The following ASB18 variants were observed in gnomAD, a reference collection of about 807,000 sequenced individuals.
ASB18 encodes ankyrin repeat and SOCS box protein 18.
ASB18 carries 33 observed loss-of-function variants against 33.4 expected under a neutral mutation model. That is an observed-to-expected ratio of 0.99 (90% CI 0.75 to 1.32). The LOEUF is 1.32. Among genes scored for constraint, ASB18 ranks in the 40% most tolerant of loss-of-function variants. The pLI, the probability that ASB18 is intolerant of heterozygous loss-of-function variation, is 0.00. For missense variants in ASB18, 694 were observed against 655.5 expected, an observed-to-expected ratio of 1.06 and a Z score of -0.64; for synonymous variants, 295 against 307.6, an observed-to-expected ratio of 0.96 and a Z score of 0.43.
rs1419223417 is a variant in ASB18 at position 236,226,125 on chromosome 2, T to C, written c.597-11259A>G. Among the ~76,000 whole-genome samples the C allele has an allele frequency of 2.0e-5, 3 of 152,254 alleles. No individual in the cohort carries two copies. Among genetic ancestry groups the C allele is most frequent in the African/African-American group, 7.2e-5 (3 of 41,468 alleles). On this transcript the variant is annotated intron_variant, in intron 3 of 5. Transcript: ENST00000409749. This position sits in a 1 kb window ranked among gnomAD's most constrained non-coding sequence, Gnocchi z 4.8. ...TGACTTTAGGGGGACTCTTTAGAGC[T>C]GAAAAGCCATGGTCAAAACCTCAGG...
intron 4 of ASB18, chr2:236,210,541 G>A (rs1221084697): frequency 6.6e-6 from 1 of 152,190 alleles, no homozygotes; most frequent in Non-Finnish European, 1.5e-5. Flanking sequence ...CCTCTGCCAG[G>A]TGAGAGTCTG....
At position 236,260,960 on chromosome 2, in the gene ASB18, T is replaced by A. The variant is rs1022372764; in HGVS notation, c.205+3181A>T. On this transcript the variant is annotated intron_variant, in intron 1 of 5. Coordinates refer to ENST00000409749, the MANE Select transcript of ASB18 (RefSeq NM_212556.4). This position sits in a 1 kb window ranked among gnomAD's most constrained non-coding sequence, Gnocchi z 5.1. ...TAATCTAATCTCATACCCTCGTTAA[T>A]AAATGGAGACGTTGGTCTCGAGACA... 6.6e-6 allele frequency among the ~76,000 whole-genome samples: 1 copy of A among 152,120 alleles called. No homozygotes were observed. The highest frequency in any genetic ancestry group is 1.5e-5 in the Non-Finnish European group (1 of 68,024).
chr2:236,232,992 A>G (rs1027383498), intron 3 of ASB18, among the ~76,000 whole-genome samples: 3 of 152,108 alleles, frequency 2.0e-5, no homozygotes, highest in African/African-American at 7.2e-5. Flanking sequence ...TTACAAGAAA[A>G]TGAAACTACA....
Position 236,214,394 on chromosome 2 carries a change from AGCCGTGGTTGAGCAGC to A in ASB18, c.1053_1068del (p.Leu353ProfsTer12). 6.3e-7 allele frequency: 1 copy of A among 1,576,620 alleles called. No individual in the cohort carries two copies. ...AAGGCGTCGGGCCACACGGTGGGAG[AGCCGTGGTTGAGCAGC>A]GCCTGCACCGTGCGCTGCGGTGAGG... is the stretch of plus-strand genomic sequence containing the variant. On this transcript the variant is annotated frameshift_variant, in exon 4 of 6. Transcript: ENST00000409749. LOFTEE classifies it high-confidence loss of function. This position sits in a 1 kb window ranked among gnomAD's most constrained non-coding sequence, Gnocchi z 6.5.
At position 236,244,477 on chromosome 2, in the gene ASB18, C is replaced by T. The variant is rs2060635599; in HGVS notation, c.206-3075G>A. Among the ~76,000 whole-genome samples, 1 of 152,256 alleles carries T rather than the reference C, an allele frequency of 6.6e-6. No individual in the cohort carries two copies. The highest frequency in any genetic ancestry group is 2.1e-4 in the South Asian group (1 of 4,834). ...CAACAGCAGAGAATCAACAGGAAAA[C>T]AGATGTGAAATCAAGGAATAGAGCT... On this transcript the variant is annotated intron_variant, in intron 1 of 5. Transcript: ENST00000409749. The surrounding 1 kb of genome is among the most constrained non-coding windows in gnomAD (Gnocchi z 6.1).
chr2:236,245,604 A>G lies in ASB18; in HGVS notation c.206-4202T>C, dbSNP rs1415108532. Among the ~76,000 whole-genome samples the G allele has an allele frequency of 6.6e-6, 1 of 152,026 alleles. No homozygotes were observed. The highest frequency in any genetic ancestry group is 2.4e-5 in the African/African-American group (1 of 41,400). On this transcript the variant is annotated intron_variant, in intron 1 of 5. Transcript: ENST00000409749. The surrounding 1 kb of genome is among the most constrained non-coding windows in gnomAD (Gnocchi z 4.7). ...GCCAGCCTCGCTCATCCTCCAACAC[A>G]GCTTAGCCTCCCTTGACCTCCAAGA...
rs2060610040 is a variant in ASB18 at position 236,239,182 on chromosome 2, C to T, written c.329-1226G>A. On this transcript the variant is annotated intron_variant, in intron 2 of 5. Transcript: ENST00000409749. The surrounding 1 kb of genome is among the most constrained non-coding windows in gnomAD (Gnocchi z 5.6). ...TTATCCCCGTGATAACAATAACCTA[C>T]ATTCCTGCAGGTGCCAGCTCTTGGT... Among the ~76,000 whole-genome samples, 1 of 152,220 alleles carries T rather than the reference C, an allele frequency of 6.6e-6. No individual in the cohort carries two copies. The highest frequency in any genetic ancestry group is 1.5e-5 in the Non-Finnish European group (1 of 68,028).
rs58846417 is a variant in ASB18 at position 236,238,238 on chromosome 2, A to AT, written c.329-283dup. On this transcript the variant is annotated intron_variant, in intron 2 of 5. Transcript: ENST00000409749. The surrounding 1 kb of genome is among the most constrained non-coding windows in gnomAD (Gnocchi z 5.2). The stretch of plus-strand genomic sequence containing the variant: ...GCGCCGGGTATTGAGAAGCAAGAGG[A>AT]TTTTGCCAAATACGGGGGTGACTGG... Among the ~76,000 whole-genome samples, 11,290 of 151,918 alleles carry AT rather than the reference A, an allele frequency of 0.074. 863 individuals are homozygous for AT. The highest frequency in any genetic ancestry group is 0.2 in the African/African-American group (8,272 of 41,370).
In ASB18 at chr2:236,203,197, C is replaced by T. The variant is rs1028244313; in HGVS notation, c.1102-6812G>A. Among the ~76,000 whole-genome samples, 1 of 152,020 alleles carries T rather than the reference C, an allele frequency of 6.6e-6. No homozygotes were observed. The highest frequency in any genetic ancestry group is 2.4e-5 in the African/African-American group (1 of 41,368). On this transcript the variant is annotated intron_variant, in intron 4 of 5. Transcript: ENST00000409749. The surrounding 1 kb of genome is among the most constrained non-coding windows in gnomAD (Gnocchi z 6.0). Reference sequence around the variant, plus strand: ...CTCCACCTTCACAGAGCTTTACAGTCCCAAATATAACAACAACAATACAGT... The same window carrying T: ...CTCCACCTTCACAGAGCTTTACAGTTCCAAATATAACAACAACAATACAGT...
In ASB18 at chr2:236,253,866, A is replaced by G. The variant is rs2060680130; in HGVS notation, c.205+10275T>C. 1 of 152,134 alleles carries G rather than the reference A, an allele frequency of 6.6e-6. No homozygotes were observed. The highest frequency in any genetic ancestry group is 1.5e-5 in the Non-Finnish European group (1 of 68,020). 9.4% of individuals were successfully genotyped at this position (152,134 alleles called of 1,614,324 possible). A position where few individuals can be genotyped will look rare whatever the true frequency, so the allele number is the denominator to read the frequency against. On this transcript the variant is annotated intron_variant, in intron 1 of 5. Transcript: ENST00000409749. The surrounding 1 kb of genome is among the most constrained non-coding windows in gnomAD (Gnocchi z 5.4). Reference sequence around the variant, plus strand: ...CTTCCCAGAGTGACTCCCACCTCCTACCACATTCAGAGTAGCCCCTGTGAC... The same window carrying G: ...CTTCCCAGAGTGACTCCCACCTCCTGCCACATTCAGAGTAGCCCCTGTGAC...
intron 4 of ASB18, among the ~76,000 whole-genome samples, chr2:236,197,771 G>A (rs1259931970): frequency 3.3e-5 from 5 of 151,654 alleles, no homozygotes; most frequent in Non-Finnish European, 7.4e-5. Flanking sequence ...GCGGTGAGCC[G>A]AGATTGTGCC....
In ASB18 at chr2:236,220,852, G is replaced by T. The variant is rs59742580; in HGVS notation, c.597-5986C>A. Among the ~76,000 whole-genome samples, 2 of 152,272 alleles carry T rather than the reference G, an allele frequency of 1.3e-5. No homozygotes were observed. The highest frequency in any genetic ancestry group is 1.9e-4 in the East Asian group (1 of 5,180). On this transcript the variant is annotated intron_variant, in intron 3 of 5. Coordinates refer to ENST00000409749, the MANE Select transcript of ASB18 (RefSeq NM_212556.4). This position sits in a 1 kb window ranked among gnomAD's most constrained non-coding sequence, Gnocchi z 5.1. ...CATTCATTCAATAAGCAGAGAACATGTGCCATGCTCCTTTCGAGGTAAGGA... is the reference window on the plus strand; with the variant it reads ...CATTCATTCAATAAGCAGAGAACATTTGCCATGCTCCTTTCGAGGTAAGGA...
intron 4 of ASB18, among the ~76,000 whole-genome samples, chr2:236,207,237 C>G (rs546372644): frequency 1.3e-5 from 2 of 152,152 alleles, no homozygotes; most frequent in African/African-American, 2.4e-5. Flanking sequence ...GGATTTGATT[C>G]TTTCTTTATG....
chr2:236,237,936 T>G lies in ASB18; in HGVS notation c.349A>C (p.Lys117Gln). The G allele has an allele frequency of 6.6e-7, 1 of 1,504,998 alleles. No homozygotes were observed. The highest frequency in any genetic ancestry group is 8.8e-7 in the Non-Finnish European group (1 of 1,133,112). The allele number at this position is 1,504,998 out of a possible 1,614,324, so 93.2% of individuals were successfully genotyped here. A position where few individuals can be genotyped will look rare whatever the true frequency, so the allele number is the denominator to read the frequency against. Residue 117 changes from lysine to glutamine, a missense_variant, in exon 3 of 6, where the codon AAG becomes CAG. Transcript: ENST00000409749. This position sits in a 1 kb window ranked among gnomAD's most constrained non-coding sequence, Gnocchi z 6.2. ...CACAGGGGCGTGGTGAGCTCACGCT[T>G]GTACTCCAGGGTCCAGAGGCCTGCG... ...GLSGLWTLEY[K>Q]RELTTPLCIA...
intron 1 of ASB18, among the ~76,000 whole-genome samples, chr2:236,261,923 G>A (rs575683856): frequency 2.0e-5 from 3 of 152,224 alleles, no homozygotes; most frequent in South Asian, 2.1e-4. Flanking sequence ...CACAATAATC[G>A]TATGGTGGAA....
chr2:236,217,409 T>C lies in ASB18; in HGVS notation c.597-2543A>G, dbSNP rs1317895836. Among the ~76,000 whole-genome samples, 2 of 102,870 alleles carry C rather than the reference T, an allele frequency of 1.9e-5. No homozygotes were observed. The highest frequency in any genetic ancestry group is 3.5e-5 in the Non-Finnish European group (2 of 57,602). The allele number at this position is 102,870 out of a possible 152,430, so 67.5% of individuals were successfully genotyped here. A position where few individuals can be genotyped will look rare whatever the true frequency, so the allele number is the denominator to read the frequency against. On this transcript the variant is annotated intron_variant, in intron 3 of 5. Transcript: ENST00000409749. This position sits in a 1 kb window ranked among gnomAD's most constrained non-coding sequence, Gnocchi z 5.2. ...CTGGGGGCAACAGAGCGAGACTCTG[T>C]CTCAAAAAAAAAAAAAAATAAATCT...
chr2:236,262,589 A>G lies in ASB18; in HGVS notation c.205+1552T>C, dbSNP rs150975763. Among the ~76,000 whole-genome samples the G allele has an allele frequency of 5.8e-4, 89 of 152,338 alleles. No individual in the cohort carries two copies. In the East Asian group the frequency reaches 0.016, roughly 28 times the overall value. ...AGTGGGACTGATGCAGTTTGCAGAG[A>G]TCAGCCTCGGGGGGGTGCTTGGGCA... On this transcript the variant is annotated intron_variant, in intron 1 of 5. Coordinates refer to ENST00000409749, the MANE Select transcript of ASB18 (RefSeq NM_212556.4). This position sits in a 1 kb window ranked among gnomAD's most constrained non-coding sequence, Gnocchi z 5.2.
At position 236,241,492 on chromosome 2, in the gene ASB18, C is replaced by G. The variant is rs774099645; in HGVS notation, c.206-90G>C. 6.7e-7 allele frequency: 1 copy of G among 1,488,288 alleles called. No homozygotes were observed. Among genetic ancestry groups the G allele is most frequent in the South Asian group, 1.2e-5 (1 of 85,734 alleles). The allele number at this position is 1,488,288 out of a possible 1,614,324, so 92.2% of individuals were successfully genotyped here. On this transcript the variant is annotated intron_variant, in intron 1 of 5. Transcript: ENST00000409749. The surrounding 1 kb of genome is among the most constrained non-coding windows in gnomAD (Gnocchi z 4.2). The stretch of plus-strand genomic sequence containing the variant: ...TGTCTTTTGAAATATTTGAAGTTTT[C>G]CTCTCACTGGCCCTGGCTGTCTCTC...
chr2:236,214,570 T>C lies in ASB18; in HGVS notation c.893A>G (p.His298Arg), dbSNP rs2060476318. 7.4e-7 allele frequency: 1 copy of C among 1,356,104 alleles called. No homozygotes were observed. The highest frequency in any genetic ancestry group is 9.4e-7 in the Non-Finnish European group (1 of 1,064,378). 84.0% of individuals were successfully genotyped at this position (1,356,104 alleles called of 1,614,324 possible). Residue 298 changes from histidine to arginine, a missense_variant, in exon 4 of 6, where the codon CAC (histidine) becomes CGC (arginine). Physicochemically the swap from His to Arg is conservative, Grantham distance 29. Coordinates refer to ENST00000409749, the MANE Select transcript of ASB18 (RefSeq NM_212556.4). This position sits in a 1 kb window ranked among gnomAD's most constrained non-coding sequence, Gnocchi z 6.5. ...GTGGCTCGCGTGGCCGCAGGCTTTG[T>C]GCAGCGGGCTGCGCTCGTCCTCGTC... ...ARDEDERSPL[H>R]KACGHASHSL...
Sources: allele counts gnomAD v4.1 joint callset (sites outside exome capture counted in the v4.1 genomes callset), GRCh38; gene constraint gnomAD v4.1.1; non-coding constraint Gnocchi (gnomAD v3.1); transcripts MANE v1.5; gene names NCBI Gene and HGNC (gene_info 2026-07-23, HGNC 2026-07-21).